ENOX2: variants seen among roughly 807,000 people sequenced by gnomAD.
ENOX2 encodes APK1 antigen.
A neutral mutation model predicts 45.0 loss-of-function variants in ENOX2; 36 were observed. The observed-to-expected ratio is 0.80, with a 90% CI of 0.61 to 1.06. ENOX2 has a LOEUF of 1.06. Among genes scored for constraint, ENOX2 ranks in the 50% least tolerant of loss-of-function variants. ENOX2 has a pLI of 0.00. For synonymous variants in ENOX2, 174 were observed against 152.3 expected, an observed-to-expected ratio of 1.14 and a Z score of -1.05; for missense variants, 423 against 462.5, an observed-to-expected ratio of 0.91 and a Z score of 0.78.
rs375258656 is a variant in ENOX2, at chrX:130,810,054, A to T, written c.-182-26364T>A. On this transcript the variant is annotated intron_variant, in intron 2 of 14. Transcript: ENST00000394363. ...AATGATACACGGAAGAGTGTAAGACAGACAGTTTTATACTACCCACGTCAA... is the reference window on the plus strand; with the variant it reads ...AATGATACACGGAAGAGTGTAAGACTGACAGTTTTATACTACCCACGTCAA... 1.0e-3 allele frequency among the ~76,000 whole-genome samples: 111 copies of T among 111,041 alleles called. 2 individuals are homozygous for T. The South Asian group carries it at 0.041, about 41-fold the overall frequency.
At chrX:130,856,737 T>G (rs941049296) in intron 2 of ENOX2, among the ~76,000 whole-genome samples, 2 of 112,013 alleles carry the variant, frequency 1.8e-5, no homozygotes, top group African/African-American at 6.5e-5. Context: ...TTCTTCATGA[T>G]AGACTCTATT....
At chrX:130,893,517 G>A (rs1049951172) in intron 2 of ENOX2, among the ~76,000 whole-genome samples, 5 of 112,392 alleles carry the variant, frequency 4.4e-5, no homozygotes, top group African/African-American at 1.6e-4. Flanking sequence ...TAAGACAGAA[G>A]TACAAAGATT....
At chrX:130,680,956 T>G (rs775149647) in intron 5 of ENOX2, among the ~76,000 whole-genome samples, 3 of 112,196 alleles carry the variant, frequency 2.7e-5, no homozygotes, top group African/African-American at 9.7e-5. Context: ...CTAAGAATAA[T>G]CAGTTACTCA....
chrX:130,872,121 G>T (rs1206529508), intron 2 of ENOX2, among the ~76,000 whole-genome samples: 2 of 111,787 alleles, frequency 1.8e-5, no homozygotes, highest in Non-Finnish European at 3.8e-5. Flanking sequence ...ACCTCATTGG[G>T]CTCCTCAGTT....
chrX:130,706,405 C>A (rs1432294176), intron 3 of ENOX2, among the ~76,000 whole-genome samples: 1 of 111,354 alleles, frequency 9.0e-6, no homozygotes, highest in Non-Finnish European at 1.9e-5. Flanking sequence ...GGGAAAGAAT[C>A]ATTTGAAGTA....
At position 130,747,072 on chromosome X, in the gene ENOX2, T is replaced by A. The variant is rs753601340; in HGVS notation, c.-39+36475A>T. On this transcript the variant is annotated intron_variant, in intron 3 of 14. Transcript: ENST00000394363. ...CATGGAGTTTTCCTAAGTTGTTTGA[T>A]GGTGCAAGCTGCTTTTAGGTTTGGG... Among the ~76,000 whole-genome samples the A allele has an allele frequency of 3.6e-5, 4 of 112,398 alleles. No individual in the cohort carries two copies. The East Asian group carries it at 8.4e-4, about 24-fold the overall frequency.
At chrX:130,740,402 C>CA (rs60025578) in intron 3 of ENOX2, among the ~76,000 whole-genome samples, 1,142 of 79,469 alleles carry the variant, frequency 0.014, 13 homozygotes, top group African/African-American at 0.039. Context: ...GACTCTGTCT[C>CA]AAAAAAAAAA....
rs1011089686 is a variant in ENOX2, at chrX:130,628,022, T to C, written c.1550A>G (p.His517Arg). 7.5e-6 allele frequency: 9 copies of C among 1,197,552 alleles called. No individual in the cohort carries two copies. Among genetic ancestry groups the C allele is most frequent in the Non-Finnish European group, 1.0e-5 (9 of 882,723 alleles). ...LLVGIISTFL[H>R]VHPFGASIEY... is the part of the protein sequence containing the mutation. ...AATGCTTGCTCCAAATGGGTGAACA[T>C]GAAGGAATGTGGAGATAATCCCTAC... The change falls in exon 14 of 15, where the codon CAT becomes CGT. Residue 517 changes from histidine to arginine, a missense_variant. His to Arg is a conservative substitution (Grantham distance 29). This residue lies in a region of ENOX2 where 7 missense variants were observed against 24.0 expected (regional missense o/e 0.29). Coordinates refer to ENST00000394363, the MANE Select transcript of ENOX2 (RefSeq NM_006375.4).
At chrX:130,793,011 AACTTACTAGGTGTGCC>A (rs1395211910) in intron 2 of ENOX2, among the ~76,000 whole-genome samples, 1 of 112,121 alleles carries the variant, frequency 8.9e-6, no homozygotes, top group Non-Finnish European at 1.9e-5. Context: ...CCACATCTGC[AACTTACTAGGTGTGCC>A]ACTTACTAAG....
intron 10 of ENOX2, among the ~76,000 whole-genome samples, chrX:130,654,619 T>C (rs1042318191): frequency 8.9e-6 from 1 of 112,034 alleles, no homozygotes; most frequent in Non-Finnish European, 1.9e-5. Flanking sequence ...CAGAATTAGA[T>C]ACAATCGAGG....
intron 2 of ENOX2, among the ~76,000 whole-genome samples, chrX:130,786,389 T>A (rs1473369400): frequency 9.3e-6 from 1 of 107,833 alleles, no homozygotes; most frequent in Non-Finnish European, 1.9e-5. Flanking sequence ...CAGAAAAACT[T>A]TTTTTTTTTC....
intron 2 of ENOX2, among the ~76,000 whole-genome samples, chrX:130,855,263 C>T (rs191936526): frequency 1.3e-4 from 14 of 110,590 alleles, no homozygotes; most frequent in East Asian, 8.4e-4. Flanking sequence ...ATGTGGACAC[C>T]GAAATTAAAA....
chrX:130,845,775 A>C (rs894902254), intron 2 of ENOX2, among the ~76,000 whole-genome samples: 1 of 112,516 alleles, frequency 8.9e-6, no homozygotes, highest in Non-Finnish European at 1.9e-5. Flanking sequence ...AACCAATACT[A>C]TTTTTAACAT....
At chrX:130,722,967 C>T (rs955511420) in intron 3 of ENOX2, among the ~76,000 whole-genome samples, 14 of 112,276 alleles carry the variant, frequency 1.2e-4, no homozygotes, top group Non-Finnish European at 1.9e-4. Context: ...CTTCCTTACA[C>T]CCACAGGTGC....
intron 3 of ENOX2, among the ~76,000 whole-genome samples, chrX:130,740,142 C>T (rs961697055): frequency 4.5e-5 from 5 of 112,182 alleles, no homozygotes; most frequent in African/African-American, 1.3e-4. Flanking sequence ...GTGGCTCACG[C>T]GTGTAATCCC....
chrX:130,636,249 T>C (rs1012473829), intron 11 of ENOX2, among the ~76,000 whole-genome samples: 1 of 112,306 alleles, frequency 8.9e-6, no homozygotes, highest in Non-Finnish European at 1.9e-5. Flanking sequence ...CTTCACACAT[T>C]TTGTTAACAG....
chrX:130,882,541 A>C (rs1239585999), intron 2 of ENOX2, among the ~76,000 whole-genome samples: 1 of 111,238 alleles, frequency 9.0e-6, no homozygotes. Flanking sequence ...TGTTGCAAAA[A>C]GCTGAGAATG....
At chrX:130,639,742 CAAAG>C (rs910793853) in intron 10 of ENOX2, among the ~76,000 whole-genome samples, 1 of 110,345 alleles carries the variant, frequency 9.1e-6, no homozygotes, top group East Asian at 2.8e-4. Context: ...AGAAGAAATT[CAAAG>C]AAAGAATAAA....
At chrX:130,733,096 G>C (rs2038775843) in intron 3 of ENOX2, among the ~76,000 whole-genome samples, 1 of 111,806 alleles carries the variant, frequency 8.9e-6, no homozygotes, top group African/African-American at 3.2e-5. Flanking sequence ...CTATGGAATA[G>C]GATAAAATAT....
Sources: allele counts gnomAD v4.1 joint callset (sites outside exome capture counted in the v4.1 genomes callset), GRCh38; gene constraint gnomAD v4.1.1; regional missense constraint gnomAD v4.1.1; transcripts MANE v1.5; gene names NCBI Gene and HGNC (gene_info 2026-07-23, HGNC 2026-07-21).